MYH2: variants seen among roughly 807,000 people sequenced by gnomAD.
MYH2 encodes myosin-2.
Under a neutral mutation model 228.1 loss-of-function variants are expected in MYH2, and 139 were observed. That is an observed-to-expected ratio of 0.61 (90% CI 0.53 to 0.70). MYH2 has a LOEUF of 0.70. MYH2 is among the 30% of genes least tolerant of loss of function. The pLI is 0.00. For synonymous variants in MYH2, 796 were observed against 871.1 expected, an observed-to-expected ratio of 0.91 and a Z score of 1.52; for missense variants, 1,809 against 2,357.5, an observed-to-expected ratio of 0.77 and a Z score of 4.82.
At position 10,545,641 on chromosome 17, in the gene MYH2, T is replaced by A. The variant is rs1567737596; in HGVS notation, c.349-139A>T. The A allele has an allele frequency of 5.0e-6, 6 of 1,190,016 alleles. No homozygotes were observed. The East Asian group carries it at 1.6e-4, about 31-fold the overall frequency. 73.7% of individuals were successfully genotyped at this position (1,190,016 alleles called of 1,614,324 possible). On this transcript the variant is annotated intron_variant, in intron 4 of 39. Transcript: ENST00000245503. The stretch of plus-strand genomic sequence containing the variant: ...GTGCAGTGGTGCTACCTCAGCTCAC[T>A]GCAGCCCCAACCTCCCGGGCTCAAG...
At chr17:10,529,312 C>A in intron 25 of MYH2, 24 bp downstream of exon 25, 2 of 1,613,954 alleles carry the variant, frequency 1.2e-6, no homozygotes, top group Non-Finnish European at 1.7e-6. Context: ...GAAGCAAATC[C>A]ATAAGCAATT....
At chr17:10,542,741 C>T in intron 10 of MYH2, 134 bp downstream of exon 10, 75 of 559,620 alleles carry the variant, frequency 1.3e-4, no homozygotes, top group South Asian at 5.7e-4. Context: ...AAATTTTTAC[C>T]AAACTCACAA....
At position 10,537,898 on chromosome 17, in the gene MYH2, C is replaced by A; in HGVS notation, c.1417-63G>T. ...ATTGAGTATTTTTTAAAATACAGAA[C>A]TTTTCCATTTTAAAAATATGTGTCC... On this transcript the variant is annotated intron_variant, in intron 14 of 39. Transcript: ENST00000245503. This position sits in a 1 kb window ranked among gnomAD's most constrained non-coding sequence, Gnocchi z 4.0. 1 of 1,613,012 alleles carries A rather than the reference C, an allele frequency of 6.2e-7. No homozygotes were observed.
rs746575234 is a variant in MYH2, at chr17:10,544,023, A to C, written c.534-7T>G. ...CCCTGCACCAGATTCTCCACTGTCA[A>C]ATCAAAACTCAATCAGATGTGGTCT... On this transcript the variant is annotated splice_region_variant and splice_polypyrimidine_tract_variant and intron_variant, in intron 6 of 39. Coordinates refer to ENST00000245503, the MANE Select transcript of MYH2 (RefSeq NM_017534.6). 6.2e-7 allele frequency: 1 copy of C among 1,614,200 alleles called. No individual in the cohort carries two copies. Among genetic ancestry groups the C allele is most frequent in the Non-Finnish European group, 8.5e-7 (1 of 1,180,026 alleles).
chr17:10,533,171 A>G (rs892063485), intron 21 of MYH2, 114 bp downstream of exon 21: 2 of 1,464,746 alleles, frequency 1.4e-6, no homozygotes, highest in Admixed American at 1.7e-5. Flanking sequence ...ACTTCATTAT[A>G]GGACTCTTAT....
rs765775867 is a variant in MYH2 at position 10,536,518 on chromosome 17, T to G, written c.1974+12A>C. On this transcript the variant is annotated intron_variant, in intron 17 of 39. Transcript: ENST00000245503. ...AGTAATTGGAGAATGTCAAAAACAA[T>G]TTCTTCCTTACTCTGAAAAGGGCAG... The G allele has an allele frequency of 3.1e-6, 5 of 1,611,256 alleles. No individual in the cohort carries two copies. In the Admixed American group the frequency reaches 8.4e-5, roughly 27 times the overall value.
Position 10,536,610 on chromosome 17 carries a change from A to T in MYH2, c.1898-4T>A, listed in dbSNP as rs1457318023. The T allele has an allele frequency of 6.2e-7, 1 of 1,610,976 alleles. No homozygotes were observed. Reference sequence around the variant, plus strand: ...TTGGCCCCTCCACCAGCTCCCTCTGAAGAAAAAGGAAGAAAAGAAATACTG... The same window carrying T: ...TTGGCCCCTCCACCAGCTCCCTCTGTAGAAAAAGGAAGAAAAGAAATACTG... On this transcript the variant is annotated splice_polypyrimidine_tract_variant and splice_region_variant and intron_variant, in intron 16 of 39. Transcript: ENST00000245503.
intron 14 of MYH2, among the ~76,000 whole-genome samples, chr17:10,538,316 A>G (rs998727326): frequency 2.6e-5 from 4 of 152,078 alleles, no homozygotes; most frequent in Non-Finnish European, 4.4e-5. Context: ...TGAAATGAAA[A>G]AAAAAAAAGA....
chr17:10,536,631 T>A, intron 16 of MYH2, 25 bp from the exon 17 acceptor site: 2 of 1,603,438 alleles, frequency 1.2e-6, no homozygotes. Context: ...AGAAAAGAAA[T>A]ACTGTTTTGA....
intron 23 of MYH2, 37 bp from the exon 24 acceptor site, chr17:10,529,777 G>T: frequency 1.2e-6 from 2 of 1,614,060 alleles, no homozygotes; most frequent in Non-Finnish European, 8.5e-7. Flanking sequence ...TTGCTATAAA[G>T]CACCTTTGTT....
In MYH2 at chr17:10,533,378, C is replaced by T. The variant is rs1304716713; in HGVS notation, c.2348G>A (p.Arg783Gln). 3 of 1,614,180 alleles carry T rather than the reference C, an allele frequency of 1.9e-6. No individual in the cohort carries two copies. The highest frequency in any genetic ancestry group is 2.5e-6 in the Non-Finnish European group (3 of 1,180,030). The part of the protein sequence containing the change: ...AGLLGLLEEM[R>Q]DDKLAQLITR... ...AATCAGCTGGGCCAGCTTGTCATCT[C>T]GCATCTCCTCTAGGAGCCCCAGAAG... is the stretch of plus-strand genomic sequence containing the variant. Residue 783 changes from arginine to glutamine, a missense_variant, in exon 21 of 40, where the codon CGA (arginine) becomes CAA (glutamine). This residue lies in a region of MYH2 where 276 missense variants were observed against 344.2 expected (regional missense o/e 0.80). Coordinates refer to ENST00000245503, the MANE Select transcript of MYH2 (RefSeq NM_017534.6).
chr17:10,529,523 C>T, intron 24 of MYH2, 41 bp downstream of exon 24: 8 of 1,614,166 alleles, frequency 5.0e-6, no homozygotes, highest in Non-Finnish European at 5.9e-6. Context: ...TGCTTATCTT[C>T]CTTTAGAAGA....
intron 11 of MYH2, 44 bp from the exon 12 acceptor site, chr17:10,540,110 A>G (rs766616420): frequency 6.2e-7 from 1 of 1,612,590 alleles, no homozygotes; most frequent in Non-Finnish European, 8.5e-7. Flanking sequence ...TGTGATCCAC[A>G]CGCTTACTGT....
intron 4 of MYH2, among the ~76,000 whole-genome samples, chr17:10,546,351 A>G (rs2073632738): frequency 6.7e-6 from 1 of 148,454 alleles, no homozygotes; most frequent in African/African-American, 2.5e-5. Flanking sequence ...ACAAGCACCA[A>G]CTAGTTAAAC....
Position 10,531,870 on chromosome 17 carries a change from G to A in MYH2, c.2460C>T (p.Ile820=), listed in dbSNP as rs1486271575. The A allele has an allele frequency of 6.2e-7, 1 of 1,613,960 alleles. No individual in the cohort carries two copies. Among genetic ancestry groups the A allele is most frequent in the African/African-American group, 1.3e-5 (1 of 74,904 alleles). ...MVERREAIFC[I]QYNIRSFMNV... ...TCATGAAGGATCTGATATTGTACTGGATACAGAAGATGGCCTCCCTGAAAT... is the reference window on the plus strand; with the variant it reads ...TCATGAAGGATCTGATATTGTACTGAATACAGAAGATGGCCTCCCTGAAAT... Residue 820 remains isoleucine (I), a synonymous_variant, in exon 22 of 40, where the codon ATC becomes ATT. Transcript: ENST00000245503.
Position 10,547,977 on chromosome 17 carries a change from A to T in MYH2, c.-20-37T>A. 3 of 1,529,082 alleles carry T rather than the reference A, an allele frequency of 2.0e-6. No homozygotes were observed. In the South Asian group the frequency reaches 3.4e-5, roughly 17 times the overall value. 94.7% of individuals were successfully genotyped at this position (1,529,082 alleles called of 1,614,324 possible). Reference sequence around the variant, plus strand: ...AAAACTTTCACATTAGAGAGTCTGGATTGCCATGTATACCAATAAATCTTA... The same window carrying T: ...AAAACTTTCACATTAGAGAGTCTGGTTTGCCATGTATACCAATAAATCTTA... On this transcript the variant is annotated intron_variant, in intron 2 of 39. Transcript: ENST00000245503.
Position 10,536,516 on chromosome 17 carries a change from A to G in MYH2, c.1974+14T>C, listed in dbSNP as rs1405672303. ...AAAGTAATTGGAGAATGTCAAAAAC[A>G]ATTTCTTCCTTACTCTGAAAAGGGC... On this transcript the variant is annotated intron_variant, in intron 17 of 39. Coordinates refer to ENST00000245503, the MANE Select transcript of MYH2 (RefSeq NM_017534.6). 1.2e-6 allele frequency: 2 copies of G among 1,610,376 alleles called. No homozygotes were observed. The highest frequency in any genetic ancestry group is 1.7e-6 in the Non-Finnish European group (2 of 1,177,420).
At position 10,543,978 on chromosome 17, in the gene MYH2, C is replaced by T. The variant is rs778659452; in HGVS notation, c.572G>A (p.Arg191His). The T allele has an allele frequency of 1.1e-5, 18 of 1,614,048 alleles. No individual in the cohort carries two copies. Among genetic ancestry groups the T allele is most frequent in the African/African-American group, 2.7e-5 (2 of 74,912 alleles). ...AATTGTTGCAAAGTACTGGATGACA[C>T]GCTTGGTGTTCACAGTCTTCCCTGC... ...SGAGKTVNTK[R>H]VIQYFATIAV... is the part of the protein sequence containing the mutation. The change falls in exon 7 of 40, where the codon CGT (arginine) becomes CAT (histidine). Residue 191 changes from arginine to histidine, a missense_variant. Coordinates refer to ENST00000245503, the MANE Select transcript of MYH2 (RefSeq NM_017534.6).
Position 10,531,853 on chromosome 17 carries a change from G to T in MYH2, c.2477C>A (p.Ser826Tyr), listed in dbSNP as rs1447040213. 1 of 1,613,976 alleles carries T rather than the reference G, an allele frequency of 6.2e-7. No homozygotes were observed. The highest frequency in any genetic ancestry group is 8.5e-7 in the Non-Finnish European group (1 of 1,179,992). ...GGGCCAGTGCTTGACATTCATGAAG[G>T]ATCTGATATTGTACTGGATACAGAA... Reference protein sequence around the residue: ...AIFCIQYNIRSFMNVKHWPWM... With the variant: ...AIFCIQYNIRYFMNVKHWPWM... The change falls in exon 22 of 40, where the codon TCC (serine) becomes TAC (tyrosine). Residue 826 changes from serine (S) to tyrosine (Y), a missense_variant. By Grantham distance (144) the Ser-to-Tyr change is moderately radical (BLOSUM62 -2). This residue lies in a region of MYH2 where 276 missense variants were observed against 344.2 expected (regional missense o/e 0.80). Coordinates refer to ENST00000245503, the MANE Select transcript of MYH2 (RefSeq NM_017534.6).
Sources: allele counts gnomAD v4.1 joint callset (sites outside exome capture counted in the v4.1 genomes callset), GRCh38; gene constraint gnomAD v4.1.1; regional missense constraint gnomAD v4.1.1; non-coding constraint Gnocchi (gnomAD v3.1); transcripts MANE v1.5; gene names NCBI Gene and HGNC (gene_info 2026-07-23, HGNC 2026-07-21).